Variants in CKAP5 observed in about 807,000 individuals in gnomAD.
The protein encoded by CKAP5 is cytoskeleton-associated protein 5.
CKAP5 carries 27 observed loss-of-function variants against 232.8 expected under a neutral mutation model. The observed-to-expected ratio is 0.12, with a 90% confidence interval of 0.09 to 0.16. The LOEUF (loss-of-function observed/expected upper bound fraction) is 0.16, where lower values mean the gene tolerates loss of function less well. Ranked by LOEUF, CKAP5 falls within the 10% of genes least tolerant of loss-of-function variation. CKAP5 has a pLI of 1.00. For synonymous variants in CKAP5, 785 were observed against 841.1 expected, an observed-to-expected ratio of 0.93 and a Z score of 1.16; for missense variants, 1,838 against 2,424.7, an observed-to-expected ratio of 0.76 and a Z score of 5.08.
At chr11:46,781,115 T>A in intron 18 of CKAP5, among the ~76,000 whole-genome samples, 1 of 152,144 alleles carries the variant, frequency 6.6e-6, no homozygotes, top group East Asian at 1.9e-4. Flanking sequence ...GAAACCAAAC[T>A]CCTGATTGTC....
At chr11:46,816,717 C>CT (rs1939410435) in intron 3 of CKAP5, among the ~76,000 whole-genome samples, 1 of 151,630 alleles carries the variant, frequency 6.6e-6, no homozygotes, top group Non-Finnish European at 1.5e-5. Context: ...AGACCTTTCT[C>CT]TAAGTGTGTG....
rs139231799 is a variant in CKAP5, at chr11:46,777,587, G to T, written c.2749-35C>A. On this transcript the variant is annotated intron_variant, in intron 22 of 43. Coordinates refer to ENST00000529230, the MANE Select transcript of CKAP5 (RefSeq NM_001008938.4). ...AAGAGCCAATACTTTATGTTGAAACGATAAGCAAGTTGTGTGCAAACTTCC... is the reference window on the plus strand; with the variant it reads ...AAGAGCCAATACTTTATGTTGAAACTATAAGCAAGTTGTGTGCAAACTTCC... The T allele has an allele frequency of 1.1e-3, 1,616 of 1,420,620 alleles. 11 individuals carry two copies. In the African/African-American group the frequency reaches 0.02, roughly 18 times the overall value. The allele number at this position is 1,420,620 out of a possible 1,614,324, so 88.0% of individuals were successfully genotyped here. A position where few individuals can be genotyped will look rare whatever the true frequency, so the allele number is the denominator to read the frequency against.
chr11:46,772,023 C>T (rs948676520), intron 24 of CKAP5, among the ~76,000 whole-genome samples: 3 of 129,668 alleles, frequency 2.3e-5, no homozygotes, highest in African/African-American at 8.1e-5. Flanking sequence ...TTGCTAATAA[C>T]ACTGAGCATC....
At chr11:46,795,195 G>A (rs1938840013) in intron 13 of CKAP5, among the ~76,000 whole-genome samples, 2 of 152,082 alleles carry the variant, frequency 1.3e-5, no homozygotes, top group Non-Finnish European at 2.9e-5. Context: ...CTGGCATGGT[G>A]GCACGTGCCT....
intron 42 of CKAP5, among the ~76,000 whole-genome samples, chr11:46,748,525 G>A (rs1036788800): frequency 2.0e-5 from 3 of 151,916 alleles, no homozygotes; most frequent in Non-Finnish European, 2.9e-5. Flanking sequence ...CTGTAATCCC[G>A]GAACTTTGGG....
In CKAP5 at chr11:46,812,962, ATTATTT is replaced by A. The variant is rs1939311224; in HGVS notation, c.459-1790_459-1785del. ...ACTGCTCCTGGCCTTAATTATTATT[ATTATTT>A]TTGAGATAGTGTCTCACTCTGTTAA... On this transcript the variant is annotated intron_variant, in intron 4 of 43. Transcript: ENST00000529230. Among the ~76,000 whole-genome samples the A allele has an allele frequency of 5.9e-5, 9 of 151,966 alleles. No homozygotes were observed. In the South Asian group the frequency reaches 1.7e-3, roughly 28 times the overall value.
chr11:46,789,949 T>C (rs1036061456), intron 15 of CKAP5, 127 bp downstream of exon 15: 1 of 589,466 alleles, frequency 1.7e-6, no homozygotes, highest in Non-Finnish European at 3.0e-6. Flanking sequence ...CCACCTCATC[T>C]TTAATGCCAT....
intron 1 of CKAP5, 67 bp downstream of exon 1, chr11:46,846,153 C>A (rs1416197265): frequency 6.6e-6 from 1 of 152,206 alleles, no homozygotes; most frequent in Non-Finnish European, 1.5e-5. Flanking sequence ...GATTCAGGGG[C>A]TCCTCTGCGC....
Position 46,744,158 on chromosome 11 carries a change from T to G in CKAP5, c.5964A>C (p.Ser1988=), listed in dbSNP as rs1477859456. ...LHSKLSQLRE[S]REQHQHSDLD... ...GGTCTGAATGCTGGTGCTGCTCCCGTGACTCCCGGAGCTGAGAGAGTTTGC... is the reference window on the plus strand; with the variant it reads ...GGTCTGAATGCTGGTGCTGCTCCCGGGACTCCCGGAGCTGAGAGAGTTTGC... The change falls in exon 44 of 44, where the codon TCA becomes TCC. Residue 1988 remains serine (S), a synonymous_variant. Transcript: ENST00000529230. 6.8e-6 allele frequency: 11 copies of G among 1,614,016 alleles called. No homozygotes were observed. The highest frequency in any genetic ancestry group is 9.3e-6 in the Non-Finnish European group (11 of 1,180,044).
intron 1 of CKAP5, among the ~76,000 whole-genome samples, chr11:46,845,566 A>T (rs1158479446): frequency 6.6e-6 from 1 of 152,200 alleles, no homozygotes; most frequent in African/African-American, 2.4e-5. Context: ...GCCCGACCTT[A>T]AAGTAGCAAG....
At chr11:46,749,450 G>C (rs1025772520) in intron 42 of CKAP5, among the ~76,000 whole-genome samples, 2 of 115,018 alleles carry the variant, frequency 1.7e-5, no homozygotes, top group African/African-American at 7.6e-5. Flanking sequence ...GTGAGACTCC[G>C]TCTCAAGAAA....
chr11:46,751,029 G>A (rs1168031965), intron 40 of CKAP5, 89 bp downstream of exon 40: 16 of 1,511,968 alleles, frequency 1.1e-5, no homozygotes, highest in South Asian at 8.5e-5. Flanking sequence ...TTGGACCTTC[G>A]GAAAGCATAT....
At position 46,795,685 on chromosome 11, in the gene CKAP5, C is replaced by G. The variant is rs147359505; in HGVS notation, c.1559G>C (p.Arg520Thr). Residue 520 changes from arginine (R) to threonine (T), a missense_variant, in exon 13 of 44, where the codon AGG becomes ACG. By Grantham distance (71) the Arg-to-Thr change is moderately conservative (BLOSUM62 -1). Around this residue, in one of 6 missense-constraint regions of CKAP5, gnomAD observed 767 missense variants for 954.6 expected, o/e 0.80. Coordinates refer to ENST00000529230, the MANE Select transcript of CKAP5 (RefSeq NM_001008938.4). ...TCCTGCAGCCCCTGAAGCAGCAGTC[C>G]TTCCAGGCAGAGGTTTGAATTCCTT... ...DKKEFKPLPG[R>T]TAASGAAGDK... 2.5e-6 allele frequency: 4 copies of G among 1,613,980 alleles called. No individual in the cohort carries two copies. Among genetic ancestry groups the G allele is most frequent in the African/African-American group, 1.3e-5 (1 of 74,920 alleles).
intron 24 of CKAP5, among the ~76,000 whole-genome samples, chr11:46,775,441 A>T (rs898748182): frequency 3.3e-5 from 5 of 152,192 alleles, no homozygotes; most frequent in African/African-American, 1.2e-4. Flanking sequence ...CAGAACTAGA[A>T]ATACCATTTG....
At chr11:46,843,146 G>A (rs1940101289) in intron 1 of CKAP5, among the ~76,000 whole-genome samples, 1 of 151,898 alleles carries the variant, frequency 6.6e-6, no homozygotes, top group South Asian at 2.1e-4. Context: ...TTCCAAACAA[G>A]TTTGCTATAT....
At chr11:46,811,313 CAAAA>C in intron 4 of CKAP5, 135 bp from the exon 5 acceptor site, 1 of 707,256 alleles carries the variant, frequency 1.4e-6, no homozygotes, top group East Asian at 2.9e-5. Flanking sequence ...TTTAAGGCAA[CAAAA>C]GAAAAGGAAC....
intron 1 of CKAP5, among the ~76,000 whole-genome samples, chr11:46,821,772 C>T (rs1939538928): frequency 6.6e-6 from 1 of 151,860 alleles, no homozygotes; most frequent in South Asian, 2.1e-4. Context: ...ACAGTGGTGG[C>T]TCATGCCTGT....
Position 46,818,501 on chromosome 11 carries a change from C to A in CKAP5, c.60G>T (p.Leu20=). 6.5e-7 allele frequency: 1 copy of A among 1,548,110 alleles called. No individual in the cohort carries two copies. The highest frequency in any genetic ancestry group is 8.7e-7 in the Non-Finnish European group (1 of 1,153,630). ...LPVDQKCEHK[L]WKARLSGYEE... ...CATACCCACTTAACCTTGCTTTCCA[C>A]AGCTAAAAGAAAAGTAGTATTTTGA... Residue 20 remains leucine, a splice_region_variant and synonymous_variant, in exon 3 of 44, where the codon CTG becomes CTT. Transcript: ENST00000529230.
chr11:46,754,695 T>A lies in CKAP5; in HGVS notation c.4869+193A>T, dbSNP rs181223536. On this transcript the variant is annotated intron_variant, in intron 36 of 43. Coordinates refer to ENST00000529230, the MANE Select transcript of CKAP5 (RefSeq NM_001008938.4). The stretch of plus-strand genomic sequence containing the variant: ...TAGTCTGTAAGCATGTTACTTTATA[T>A]CCTAACAGTAAGGTGGGATGGAGTG... 3.0e-4 allele frequency among the ~76,000 whole-genome samples: 46 copies of A among 152,330 alleles called. 1 individual carries two copies. Among genetic ancestry groups the A allele is most frequent in the African/African-American group, 1.0e-3 (42 of 41,574 alleles).
Sources: gnomAD v4.1 joint callset for allele counts (sites outside exome capture counted in the v4.1 genomes callset) on GRCh38, gnomAD v4.1.1 for gene constraint, gnomAD v4.1.1 regional missense constraint, MANE v1.5 for transcripts, NCBI Gene and HGNC (gene_info 2026-07-23, HGNC 2026-07-21) for gene names.